The following CD9 variants were observed in gnomAD, a reference collection of about 807,000 sequenced individuals.
The protein encoded by CD9 is CD9 antigen.
Under a neutral mutation model 31.4 loss-of-function variants are expected in CD9, and 10 were observed. The ratio of observed to expected loss-of-function variants is 0.32; its 90% CI spans 0.20 to 0.54. The LOEUF is 0.54. Ranked by LOEUF, CD9 falls within the 20% of genes least tolerant of loss-of-function variation. CD9 has a pLI of 0.94. For synonymous variants in CD9, 113 were observed against 114.1 expected (o/e 0.99, Z 0.06); for missense variants, 259 against 300.1 (o/e 0.86, Z 1.01).
At chr12:6,228,604 C>T (rs1258355262) in intron 2 of CD9, among the ~76,000 whole-genome samples, 1 of 150,606 alleles carries the variant, frequency 6.6e-6, no homozygotes, top group Non-Finnish European at 1.5e-5. Flanking sequence ...ACTCTGAGCA[C>T]TGCTTAGGTC....
At chr12:6,206,362 A>G (rs926845303) in intron 1 of CD9, among the ~76,000 whole-genome samples, 3 of 152,020 alleles carry the variant, frequency 2.0e-5, no homozygotes, top group Non-Finnish European at 2.9e-5. Flanking sequence ...AACTGGGACT[A>G]CAGGCATGTG....
intron 1 of CD9, among the ~76,000 whole-genome samples, chr12:6,202,377 G>T (rs1946087196): frequency 6.6e-6 from 1 of 152,212 alleles, no homozygotes; most frequent in African/African-American, 2.4e-5. Context: ...ATCCCTGGCA[G>T]CAGAAAAGTA....
chr12:6,224,408 C>T (rs542855222), intron 1 of CD9, among the ~76,000 whole-genome samples: 1 of 152,188 alleles, frequency 6.6e-6, no homozygotes, highest in East Asian at 1.9e-4. Flanking sequence ...TCTGGGTGGC[C>T]CTTCCCACTA....
At chr12:6,218,743 C>G (rs1326452366) in intron 1 of CD9, among the ~76,000 whole-genome samples, 1 of 152,114 alleles carries the variant, frequency 6.6e-6, no homozygotes, top group Non-Finnish European at 1.5e-5. Context: ...CTGAAATTCT[C>G]ATCTTTGCGT....
intron 1 of CD9, among the ~76,000 whole-genome samples, chr12:6,211,044 G>A (rs978517420): frequency 1.3e-5 from 2 of 151,928 alleles, no homozygotes; most frequent in Non-Finnish European, 2.9e-5. Context: ...CACCATGTTG[G>A]CCAGGCTGGT....
chr12:6,236,563 C>A (rs1362646427), intron 7 of CD9: 5 of 490,068 alleles, frequency 1.0e-5, no homozygotes, highest in African/African-American at 1.9e-5. Flanking sequence ...GCTGGCACTG[C>A]TAGTCCTCGG....
intron 1 of CD9, among the ~76,000 whole-genome samples, chr12:6,216,664 A>G (rs781204132): frequency 6.6e-6 from 1 of 152,074 alleles, no homozygotes; most frequent in Non-Finnish European, 1.5e-5. Flanking sequence ...GTCTTAGTGG[A>G]GCTCTGGATG....
chr12:6,214,267 A>G (rs1946220570), intron 1 of CD9, among the ~76,000 whole-genome samples: 1 of 150,526 alleles, frequency 6.6e-6, no homozygotes, highest in East Asian at 2.0e-4. Flanking sequence ...CCTTGTACAT[A>G]GTAACTTCTA....
intron 1 of CD9, among the ~76,000 whole-genome samples, chr12:6,221,405 G>A (rs769707790): frequency 6.6e-5 from 10 of 152,162 alleles, no homozygotes; most frequent in Non-Finnish European, 1.5e-4. Context: ...CAGAGCCCTG[G>A]GAACAGGGCA....
At chr12:6,236,097 C>A in intron 6 of CD9, 95 bp from the exon 7 acceptor site, 1 of 1,560,156 alleles carries the variant, frequency 6.4e-7, no homozygotes, top group Non-Finnish European at 8.7e-7. Context: ...CCTCTGCCCA[C>A]CAGTTCTCCC....
At chr12:6,235,758 A>G in intron 6 of CD9, 193 bp downstream of exon 6, 1 of 1,406,040 alleles carries the variant, frequency 7.1e-7, no homozygotes. Flanking sequence ...CAAAGGCCGG[A>G]CCAGGGGAAT....
intron 6 of CD9, chr12:6,235,804 C>G: frequency 7.2e-7 from 1 of 1,383,736 alleles, no homozygotes; most frequent in Non-Finnish European, 9.3e-7. Context: ...GCTGCCAGCC[C>G]GGAAGCTCTC....
At chr12:6,222,421 C>G (rs961064675) in intron 1 of CD9, among the ~76,000 whole-genome samples, 3 of 152,220 alleles carry the variant, frequency 2.0e-5, no homozygotes, top group African/African-American at 7.2e-5. Context: ...AGACCGAGAC[C>G]TATGGCAGCT....
chr12:6,207,087 GC>G (rs1565418667), intron 1 of CD9, among the ~76,000 whole-genome samples: 1 of 151,976 alleles, frequency 6.6e-6, no homozygotes, highest in African/African-American at 2.4e-5. Context: ...TCTCTATGTC[GC>G]CCAAGCTGGT....
At chr12:6,208,271 C>T (rs1946154573) in intron 1 of CD9, among the ~76,000 whole-genome samples, 2 of 151,890 alleles carry the variant, frequency 1.3e-5, no homozygotes, top group Admixed American at 1.3e-4. Flanking sequence ...ACAGCTTACC[C>T]AATGCACATC....
chr12:6,228,055 C>A (rs528805399), intron 2 of CD9, among the ~76,000 whole-genome samples: 1 of 152,316 alleles, frequency 6.6e-6, no homozygotes, highest in Non-Finnish European at 1.5e-5. Flanking sequence ...TTTGAAGGCA[C>A]AACCCCAAAG....
chr12:6,216,145 A>G (rs528445637), intron 1 of CD9, among the ~76,000 whole-genome samples: 1 of 152,306 alleles, frequency 6.6e-6, no homozygotes, highest in African/African-American at 2.4e-5. Context: ...TGCAGTAGTG[A>G]GCCAAGGGTT....
At chr12:6,223,588 C>A (rs1012371910) in intron 1 of CD9, among the ~76,000 whole-genome samples, 2 of 149,240 alleles carry the variant, frequency 1.3e-5, no homozygotes, top group African/African-American at 5.2e-5. Flanking sequence ...TGCTCAGGGA[C>A]CTGGGGGGGG....
Position 6,230,491 on chromosome 12 carries a change from G to A in CD9, c.176-2141G>A, listed in dbSNP as rs60093615. ...TTAGAGAAAACATGTCTGCCTGTTC[G>A]TTCCCACTCCACGGTATTTCATGTG... On this transcript the variant is annotated intron_variant, in intron 2 of 7. Coordinates refer to ENST00000009180, the MANE Select transcript of CD9 (RefSeq NM_001769.4). Among the ~76,000 whole-genome samples, 294 of 152,322 alleles carry A rather than the reference G, an allele frequency of 1.9e-3. 6 individuals carry two copies. In the South Asian group the frequency reaches 0.03, roughly 15 times the overall value.
Sources: gnomAD v4.1 joint callset for allele counts (sites outside exome capture counted in the v4.1 genomes callset) on GRCh38, gnomAD v4.1.1 for gene constraint, MANE v1.5 for transcripts, NCBI Gene and HGNC (gene_info 2026-07-23, HGNC 2026-07-21) for gene names.